The following CCDC62 variants were observed in gnomAD, a reference collection of about 807,000 sequenced individuals.
The protein encoded by CCDC62 is coiled-coil domain-containing protein 62.
A neutral mutation model predicts 80.8 loss-of-function variants in CCDC62; 72 were observed. The observed-to-expected ratio is 0.89, with a 90% confidence interval of 0.74 to 1.08. The LOEUF (loss-of-function observed/expected upper bound fraction) is 1.08. Ranked by LOEUF, CCDC62 falls within the 50% of genes least tolerant of loss-of-function variation. The pLI is 0.00. For missense variants in CCDC62, 704 were observed against 809.4 expected (o/e 0.87, Z 1.58); for synonymous variants, 286 against 296.5 (o/e 0.96, Z 0.36).
At chr12:122,812,080 G>A (rs1048916202) in intron 10 of CCDC62, among the ~76,000 whole-genome samples, 2 of 152,000 alleles carry the variant, frequency 1.3e-5, no homozygotes, top group Admixed American at 6.6e-5. Flanking sequence ...TTCTTTTATC[G>A]CATGGGTGTT....
chr12:122,817,252 G>A (rs1253630522), intron 11 of CCDC62, among the ~76,000 whole-genome samples: 1 of 147,158 alleles, frequency 6.8e-6, no homozygotes, highest in African/African-American at 2.6e-5. Context: ...AGTAGAGATG[G>A]GGTTTCACCA....
At chr12:122,801,885 G>A (rs2031337364) in intron 9 of CCDC62, 33 bp downstream of exon 9, 1 of 1,591,860 alleles carries the variant, frequency 6.3e-7, no homozygotes, top group Admixed American at 1.7e-5. Flanking sequence ...AACACCCACG[G>A]AGCATGCATG....
chr12:122,824,248 T>C (rs1312168703), intron 12 of CCDC62, among the ~76,000 whole-genome samples: 1 of 151,050 alleles, frequency 6.6e-6, no homozygotes, highest in African/African-American at 2.4e-5. Flanking sequence ...AAACCGCGTT[T>C]CTACTAAAAA....
At chr12:122,806,104 G>C (rs1473386872) in intron 9 of CCDC62, 47 bp from the exon 10 acceptor site, 4 of 1,551,102 alleles carry the variant, frequency 2.6e-6, no homozygotes, top group Non-Finnish European at 3.5e-6. Context: ...ATCTATGTAT[G>C]ATATTGTTTT....
intron 8 of CCDC62, among the ~76,000 whole-genome samples, chr12:122,800,419 AAAAAAAAAT>A (rs2031228592): frequency 6.6e-6 from 1 of 150,570 alleles, no homozygotes; most frequent in Non-Finnish European, 1.5e-5. Context: ...TGTCTCTATA[AAAAAAAAAT>A]TTTTTTTTTT....
Position 122,801,592 on chromosome 12 carries a change from G to T in CCDC62, c.1446G>T (p.Leu482=). Residue 482 remains leucine (L), a synonymous_variant, in exon 9 of 13, where the codon CTG becomes CTT. Transcript: ENST00000253079. ...NCPSSKHPEK[L]DVECQDQMER... ...CAAGTTCAAAACATCCAGAAAAGCT[G>T]GATGTAGAATGTCAAGATCAGATGG... 6.2e-7 allele frequency: 1 copy of T among 1,614,128 alleles called. No individual in the cohort carries two copies. Among genetic ancestry groups the T allele is most frequent in the South Asian group, 1.1e-5 (1 of 91,074 alleles).
Position 122,785,441 on chromosome 12 carries a change from AAC to A in CCDC62, c.397-276_397-275del, listed in dbSNP as rs537058450. ...AATAGACATGTTTACAAGCATCACC[AAC>A]ATAATTCAATAGGGCAAATACAAGT... On this transcript the variant is annotated intron_variant, in intron 3 of 12. Coordinates refer to ENST00000253079, the MANE Select transcript of CCDC62 (RefSeq NM_201435.5). Among the ~76,000 whole-genome samples the A allele has an allele frequency of 5.0e-4, 76 of 152,340 alleles. 1 individual carries two copies. The highest frequency in any genetic ancestry group is 4.1e-3 in the South Asian group (20 of 4,832).
intron 8 of CCDC62, 131 bp downstream of exon 8, chr12:122,798,331 G>A (rs2031090310): frequency 1.7e-6 from 1 of 603,254 alleles, no homozygotes; most frequent in Non-Finnish European, 3.0e-6. Context: ...GGCCGGGCAC[G>A]GTGCCTCACA....
intron 10 of CCDC62, among the ~76,000 whole-genome samples, chr12:122,810,400 C>T (rs954570401): frequency 1.3e-5 from 2 of 152,162 alleles, no homozygotes; most frequent in African/African-American, 4.8e-5. Flanking sequence ...ATTTATGCAG[C>T]CAACAGACAC....
chr12:122,817,218 A>ATTTTT (rs71085859), intron 11 of CCDC62, among the ~76,000 whole-genome samples: 1 of 134,268 alleles, frequency 7.4e-6, no homozygotes, highest in African/African-American at 3.0e-5. Context: ...CGCCTAGCTA[A>ATTTTT]TTTTTTTTTT....
intron 11 of CCDC62, among the ~76,000 whole-genome samples, chr12:122,818,809 C>T (rs1005462979): frequency 6.6e-6 from 1 of 151,962 alleles, no homozygotes; most frequent in Non-Finnish European, 1.5e-5. Context: ...GTTCCAGCTA[C>T]TCAGGAGGCT....
chr12:122,823,970 A>T (rs950823496), intron 12 of CCDC62, among the ~76,000 whole-genome samples: 2 of 152,048 alleles, frequency 1.3e-5, no homozygotes, highest in Non-Finnish European at 2.9e-5. Flanking sequence ...TGGGCAACAG[A>T]GCAAGACTCC....
chr12:122,813,745 C>T (rs1355262812), intron 11 of CCDC62, among the ~76,000 whole-genome samples: 2 of 152,094 alleles, frequency 1.3e-5, no homozygotes, highest in African/African-American at 2.4e-5. Context: ...CAACCTCCAC[C>T]TCCCGGGTTC....
rs1316083322 is a variant in CCDC62 at position 122,801,783 on chromosome 12, T to C, written c.1637T>C (p.Ile546Thr). Reference protein sequence around the residue: ...SIFKPSKMQRIVRLKSGCTCS... With the variant: ...SIFKPSKMQRTVRLKSGCTCS... The stretch of plus-strand genomic sequence containing the variant: ...TTCAAGCCTTCCAAAATGCAGAGAA[T>C]TGTCCGCCTCAAATCTGGGTGCACC... Residue 546 changes from isoleucine (I) to threonine (T), a missense_variant, in exon 9 of 13, where the codon ATT (isoleucine) becomes ACT (threonine). Transcript: ENST00000253079. 2 of 1,614,034 alleles carry C rather than the reference T, an allele frequency of 1.2e-6. No individual in the cohort carries two copies. Among genetic ancestry groups the C allele is most frequent in the East Asian group, 2.2e-5 (1 of 44,892 alleles).
chr12:122,782,397 G>A (rs2029918396), intron 3 of CCDC62, among the ~76,000 whole-genome samples: 1 of 152,144 alleles, frequency 6.6e-6, no homozygotes, highest in Non-Finnish European at 1.5e-5. Context: ...ATTTTAGAAA[G>A]CTTTCCTCAA....
chr12:122,783,248 G>A (rs2029979333), intron 3 of CCDC62, among the ~76,000 whole-genome samples: 1 of 142,604 alleles, frequency 7.0e-6, no homozygotes, highest in Non-Finnish European at 1.5e-5. Context: ...TTTTTCCTGA[G>A]ACGGAGTCTC....
At position 122,823,431 on chromosome 12, in the gene CCDC62, G is replaced by A. The variant is rs2032491523; in HGVS notation, c.*12G>A. ...TTGTCAGTTATTGAAGGAAACAAAAGGCAACTTCAGTATTCATCGTGATCA... is the reference window on the plus strand; with the variant it reads ...TTGTCAGTTATTGAAGGAAACAAAAAGCAACTTCAGTATTCATCGTGATCA... On this transcript the variant is annotated 3_prime_UTR_variant, in exon 12 of 13. Coordinates refer to ENST00000253079, the MANE Select transcript of CCDC62 (RefSeq NM_201435.5). 6.3e-7 allele frequency: 1 copy of A among 1,599,614 alleles called. No individual in the cohort carries two copies. The highest frequency in any genetic ancestry group is 8.6e-7 in the Non-Finnish European group (1 of 1,166,880).
intron 3 of CCDC62, among the ~76,000 whole-genome samples, chr12:122,782,308 G>A (rs1246888918): frequency 6.6e-6 from 1 of 152,188 alleles, no homozygotes; most frequent in Non-Finnish European, 1.5e-5. Flanking sequence ...CTGTCTTAGA[G>A]ATTGAGCTTC....
At chr12:122,816,026 C>G (rs780455769) in intron 11 of CCDC62, among the ~76,000 whole-genome samples, 1 of 152,006 alleles carries the variant, frequency 6.6e-6, no homozygotes, top group South Asian at 2.1e-4. Flanking sequence ...CTATGTGCCG[C>G]GAATAGATCC....
Sources: allele counts gnomAD v4.1 joint callset (sites outside exome capture counted in the v4.1 genomes callset), GRCh38; gene constraint gnomAD v4.1.1; transcripts MANE v1.5; gene names NCBI Gene and HGNC (gene_info 2026-07-23, HGNC 2026-07-21).